KIAA0586: variants seen among roughly 807,000 people sequenced by gnomAD.
KIAA0586 encodes KIAA0586, also known as protein TALPID3.
Under a neutral mutation model 169.8 loss-of-function variants are expected in KIAA0586, and 144 were observed. The observed-to-expected ratio is 0.85, with a 90% CI of 0.74 to 0.97. The LOEUF (loss-of-function observed/expected upper bound fraction) is 0.97. Ranked by LOEUF, KIAA0586 falls within the 50% of genes least tolerant of loss-of-function variation. The pLI is 0.00. For missense variants in KIAA0586, 1,854 were observed against 1,823.0 expected, an observed-to-expected ratio of 1.02 and a Z score of -0.31; for synonymous variants, 625 against 612.4, an observed-to-expected ratio of 1.02 and a Z score of -0.30.
intron 29 of KIAA0586, among the ~76,000 whole-genome samples, chr14:58,523,652 C>T (rs1055575749): frequency 1.1e-4 from 17 of 151,628 alleles, no homozygotes; most frequent in African/African-American, 3.6e-4. Context: ...GCAGAGGAAC[C>T]GTCTCCAGTT....
intron 21 of KIAA0586, among the ~76,000 whole-genome samples, chr14:58,483,190 A>G (rs2042154898): frequency 6.6e-6 from 1 of 152,120 alleles, no homozygotes; most frequent in Non-Finnish European, 1.5e-5. Flanking sequence ...TTCTTATCTC[A>G]TGAATACTGT....
intron 29 of KIAA0586, chr14:58,521,861 G>A (rs572266509): frequency 1.8e-6 from 2 of 1,085,194 alleles, no homozygotes; most frequent in South Asian, 2.5e-5. Context: ...ACTTTGCTGA[G>A]GAGGACCTAC....
intron 29 of KIAA0586, among the ~76,000 whole-genome samples, chr14:58,517,772 A>G (rs1287515175): frequency 6.6e-6 from 1 of 152,214 alleles, no homozygotes; most frequent in Non-Finnish European, 1.5e-5. Flanking sequence ...GTACATCCAT[A>G]CAATGGAATA....
intron 4 of KIAA0586, among the ~76,000 whole-genome samples, chr14:58,440,685 C>A (rs572644183): frequency 6.6e-6 from 1 of 152,286 alleles, no homozygotes; most frequent in African/African-American, 2.4e-5. Context: ...TCAGAAAATT[C>A]TTTTCAGTGG....
chr14:58,467,705 T>G, intron 15 of KIAA0586, 30 bp from the exon 16 acceptor site: 1 of 1,527,338 alleles, frequency 6.5e-7, no homozygotes, highest in Non-Finnish European at 8.9e-7. Flanking sequence ...TCTGAACTAG[T>G]TGACTTATTT....
rs138123018 is a variant in KIAA0586, at chr14:58,449,344, T to C, written c.961+851T>C. Among the ~76,000 whole-genome samples the C allele has an allele frequency of 1.8e-4, 27 of 152,228 alleles. 1 individual carries two copies. The East Asian group carries it at 5.2e-3, about 29-fold the overall frequency. The stretch of plus-strand genomic sequence containing the variant: ...GAATTCGAGACCAACCTGGGACATA[T>C]AGTGAGATCCTGTCTCTAGAAATAA... On this transcript the variant is annotated intron_variant, in intron 7 of 30. Coordinates refer to ENST00000652326, the MANE Select transcript of KIAA0586 (RefSeq NM_001329943.3).
downstream of KIAA0586, among the ~76,000 whole-genome samples, chr14:58,553,928 A>T (rs1194029920): frequency 6.6e-6 from 1 of 152,144 alleles, no homozygotes; most frequent in African/African-American, 2.4e-5. Context: ...AACTAGGACA[A>T]CTTTGCTTTG....
At chr14:58,486,939 A>G in intron 21 of KIAA0586, 68 bp from the exon 22 acceptor site, 1 of 1,299,352 alleles carries the variant, frequency 7.7e-7, no homozygotes, top group South Asian at 1.4e-5. Flanking sequence ...GAATGAGTTC[A>G]TATTATTTTC....
At chr14:58,498,376 A>G (rs1078356) in intron 26 of KIAA0586, among the ~76,000 whole-genome samples, 87,261 of 151,678 alleles carry the variant, frequency 0.58, 25,990 homozygotes, top group Admixed American at 0.66. Flanking sequence ...GGGTTTCGCC[A>G]TGTTGCCTAG....
At chr14:58,556,023 A>G (rs779413915), downstream of KIAA0586, among the ~76,000 whole-genome samples, 31 of 152,212 alleles carry the variant, frequency 2.0e-4, 1 homozygote, top group Admixed American at 1.4e-3. Context: ...AATAGCTTAT[A>G]ATGCATTTTC....
the KIAA0586 span, among the ~76,000 whole-genome samples, chr14:58,561,219 T>A: frequency 6.6e-6 from 1 of 152,232 alleles, no homozygotes; most frequent in Non-Finnish European, 1.5e-5. Flanking sequence ...GATTTTTCTC[T>A]TCTGAAGCAC....
intron 20 of KIAA0586, among the ~76,000 whole-genome samples, chr14:58,477,442 C>T (rs1414535490): frequency 6.6e-6 from 1 of 152,134 alleles, no homozygotes; most frequent in Non-Finnish European, 1.5e-5. Context: ...GATTATTAAA[C>T]CACTCTTCAT....
At position 58,530,163 on chromosome 14, in the gene KIAA0586, G is replaced by A. The variant is rs142985274; in HGVS notation, c.4430-9908G>A. 4.6e-4 allele frequency among the ~76,000 whole-genome samples: 70 copies of A among 152,216 alleles called. No homozygotes were observed. The East Asian group carries it at 0.011, about 23-fold the overall frequency. ...GAGGTTTGAAGGACTTTTTCAAGGA[G>A]AACTACAAACCACTGCTCAAGGAAA... is the stretch of plus-strand genomic sequence containing the variant. On this transcript the variant is annotated intron_variant, in intron 29 of 30. Coordinates refer to ENST00000652326, the MANE Select transcript of KIAA0586 (RefSeq NM_001329943.3).
intron 25 of KIAA0586, among the ~76,000 whole-genome samples, chr14:58,491,586 A>T (rs2042836219): frequency 6.6e-6 from 1 of 152,236 alleles, no homozygotes; most frequent in Non-Finnish European, 1.5e-5. Flanking sequence ...ATTTTGAGGC[A>T]TGAGGAAGCC....
chr14:58,469,906 T>C (rs1454222634), intron 16 of KIAA0586, among the ~76,000 whole-genome samples: 1 of 152,172 alleles, frequency 6.6e-6, no homozygotes, highest in Non-Finnish European at 1.5e-5. Flanking sequence ...TGGTGAGGGT[T>C]GGGTAAAACT....
intron 28 of KIAA0586, among the ~76,000 whole-genome samples, chr14:58,510,069 A>T (rs2044277867): frequency 6.6e-6 from 1 of 152,210 alleles, no homozygotes; most frequent in Admixed American, 6.5e-5. Flanking sequence ...AATGGCAAAT[A>T]AGCACATAAA....
intron 28 of KIAA0586, among the ~76,000 whole-genome samples, chr14:58,510,355 A>T (rs990276216): frequency 6.6e-6 from 1 of 152,200 alleles, no homozygotes; most frequent in African/African-American, 2.4e-5. Context: ...GTGACAGAGC[A>T]AAACTCCTTC....
chr14:58,516,258 G>C (rs749894809), intron 29 of KIAA0586, among the ~76,000 whole-genome samples: 14 of 152,176 alleles, frequency 9.2e-5, no homozygotes, highest in Non-Finnish European at 1.6e-4. Context: ...GCCTGAATGA[G>C]AGGAGTGGCT....
At chr14:58,503,478 G>T (rs1267160581) in intron 27 of KIAA0586, among the ~76,000 whole-genome samples, 1 of 152,156 alleles carries the variant, frequency 6.6e-6, no homozygotes, top group Admixed American at 6.5e-5. Flanking sequence ...TACTTATTCA[G>T]AAGATATTTT....
Sources: allele counts gnomAD v4.1 joint callset (sites outside exome capture counted in the v4.1 genomes callset), GRCh38; gene constraint gnomAD v4.1.1; transcripts MANE v1.5; gene names NCBI Gene and HGNC (gene_info 2026-07-23, HGNC 2026-07-21).